The following CCNY variants were observed in gnomAD, a reference collection of about 807,000 sequenced individuals.
CCNY encodes the protein cyclin Y, also known as cyclin-Y.
In CCNY, 19 loss-of-function variants were observed where a neutral mutation model predicts 42.8. The observed-to-expected ratio is 0.44, with a 90% CI of 0.31 to 0.65. The LOEUF is 0.65. Among genes scored for constraint, CCNY ranks in the 30% least tolerant of loss-of-function variants. The probability of loss-of-function intolerance (pLI) is 0.07; values close to 1 mark genes in which losing one functional copy is unlikely to be tolerated. For missense variants in CCNY, 370 were observed against 437.3 expected, an observed-to-expected ratio of 0.85 and a Z score of 1.37; for synonymous variants, 165 against 162.7, an observed-to-expected ratio of 1.01 and a Z score of -0.11.
intron 7 of CCNY, among the ~76,000 whole-genome samples, chr10:35,538,779 T>C (rs1840938084): frequency 6.6e-6 from 1 of 152,226 alleles, no homozygotes; most frequent in Non-Finnish European, 1.5e-5. Flanking sequence ...ATGGTATCAG[T>C]TTGCAACTTA....
intron 1 of CCNY, among the ~76,000 whole-genome samples, chr10:35,472,921 C>T (rs1839418957): frequency 6.6e-6 from 1 of 152,076 alleles, no homozygotes; most frequent in South Asian, 2.1e-4. Flanking sequence ...TAGAATTGAA[C>T]ATAATACCTA....
At chr10:35,296,221 G>A (rs1190118086) in intron 3 of CCNY, among the ~76,000 whole-genome samples, 1 of 152,084 alleles carries the variant, frequency 6.6e-6, no homozygotes, top group African/African-American at 2.4e-5. Context: ...CTATACAAAA[G>A]GTCAATGAAC....
chr10:35,391,279 A>G (rs541938962), intron 1 of CCNY, among the ~76,000 whole-genome samples: 4 of 152,308 alleles, frequency 2.6e-5, no homozygotes, highest in South Asian at 2.1e-4. Context: ...GTTTAAGCCA[A>G]TTCTGATTGG....
chr10:35,456,468 G>C (rs895337265), intron 1 of CCNY, among the ~76,000 whole-genome samples: 3 of 152,214 alleles, frequency 2.0e-5, no homozygotes, highest in African/African-American at 7.2e-5. Context: ...ATCATTGATT[G>C]CACAGGATTC....
chr10:35,307,643 A>C (rs1469549269), intron 3 of CCNY, among the ~76,000 whole-genome samples: 2 of 151,616 alleles, frequency 1.3e-5, no homozygotes, highest in Non-Finnish European at 2.9e-5. Flanking sequence ...CATCCTTTCA[A>C]CAACCCCGAA....
chr10:35,540,751 T>A (rs903670457), intron 7 of CCNY, among the ~76,000 whole-genome samples: 7 of 152,232 alleles, frequency 4.6e-5, no homozygotes, highest in Non-Finnish European at 4.4e-5. Flanking sequence ...TGCAGTAGTT[T>A]GTGTTTTTCT....
At chr10:35,378,859 C>T (rs944606757) in intron 1 of CCNY, among the ~76,000 whole-genome samples, 1 of 152,050 alleles carries the variant, frequency 6.6e-6, no homozygotes, top group African/African-American at 2.4e-5. Context: ...GGAATGGGTA[C>T]CTGTCCTGAG....
At chr10:35,403,273 A>G (rs1048774787) in intron 1 of CCNY, among the ~76,000 whole-genome samples, 5 of 152,192 alleles carry the variant, frequency 3.3e-5, no homozygotes, top group African/African-American at 9.7e-5. Flanking sequence ...TGTAACCTAC[A>G]TGGAAGAGGT....
Position 35,366,772 on chromosome 10 carries a change from C to G in CCNY, c.154+29565C>G, listed in dbSNP as rs556771127. Among the ~76,000 whole-genome samples, 456 of 152,350 alleles carry G rather than the reference C, an allele frequency of 3.0e-3. 17 individuals carry two copies. The highest frequency in any genetic ancestry group is 0.027 in the Admixed American group (418 of 15,296). ...TATCTGCACTGTCCAATGTGGTAGT[C>G]ACTAGCCACGTGTGGCAGTCAAACA... On this transcript the variant is annotated intron_variant, in intron 1 of 9. Coordinates refer to ENST00000374704, the MANE Select transcript of CCNY (RefSeq NM_145012.6).
chr10:35,509,048 G>T (rs1031334021), intron 3 of CCNY, among the ~76,000 whole-genome samples: 1 of 152,246 alleles, frequency 6.6e-6, no homozygotes, highest in East Asian at 1.9e-4. Context: ...GTTCATCCGT[G>T]TATCTCAGTA....
chr10:35,384,975 A>G (rs1311698603), intron 1 of CCNY, among the ~76,000 whole-genome samples: 1 of 152,172 alleles, frequency 6.6e-6, no homozygotes, highest in African/African-American at 2.4e-5. Context: ...TTTGGGCACC[A>G]TTTCAGCTAA....
At chr10:35,447,640 A>G (rs1838822296) in intron 1 of CCNY, among the ~76,000 whole-genome samples, 1 of 152,208 alleles carries the variant, frequency 6.6e-6, no homozygotes, top group African/African-American at 2.4e-5. Context: ...TAGCAGTGTC[A>G]TTGCAGTAGC....
At chr10:35,453,680 A>G (rs1168756358) in intron 1 of CCNY, among the ~76,000 whole-genome samples, 5 of 152,192 alleles carry the variant, frequency 3.3e-5, no homozygotes, top group Non-Finnish European at 4.4e-5. Flanking sequence ...ACTTCTTTCA[A>G]GTGATTAGAA....
intron 3 of CCNY, among the ~76,000 whole-genome samples, chr10:35,502,902 G>A (rs928109626): frequency 2.0e-5 from 3 of 152,178 alleles, no homozygotes; most frequent in Non-Finnish European, 4.4e-5. Flanking sequence ...CAAGGAGCTT[G>A]CAAGGGAAGG....
At chr10:35,423,485 A>G (rs1403652233) in intron 1 of CCNY, among the ~76,000 whole-genome samples, 1 of 151,876 alleles carries the variant, frequency 6.6e-6, no homozygotes, top group Admixed American at 6.6e-5. Context: ...CAAAAAAAAA[A>G]AAAAATTCTG....
chr10:35,508,830 G>A (rs1289568792), intron 3 of CCNY, among the ~76,000 whole-genome samples: 3 of 152,152 alleles, frequency 2.0e-5, no homozygotes, highest in Non-Finnish European at 4.4e-5. Flanking sequence ...CCACAGAGGT[G>A]TGCAACTGTC....
chr10:35,301,974 A>T (rs532457803), intron 3 of CCNY, among the ~76,000 whole-genome samples: 2 of 150,858 alleles, frequency 1.3e-5, no homozygotes, highest in African/African-American at 4.9e-5. Flanking sequence ...TTATTTATTT[A>T]TTTTTTGAGG....
chr10:35,279,456 G>A (rs1041549611), intron 3 of CCNY, among the ~76,000 whole-genome samples: 1 of 152,188 alleles, frequency 6.6e-6, no homozygotes, highest in East Asian at 1.9e-4. Flanking sequence ...CAAAGGGCTC[G>A]CTTGGAGGGA....
chr10:35,252,752 G>A (rs771647712), intron 3 of CCNY, among the ~76,000 whole-genome samples: 1 of 152,022 alleles, frequency 6.6e-6, no homozygotes, highest in African/African-American at 2.4e-5. Flanking sequence ...ATTGCTTATG[G>A]TTCCAACTGC....
Sources: gnomAD v4.1 joint callset for allele counts (sites outside exome capture counted in the v4.1 genomes callset) on GRCh38, gnomAD v4.1.1 for gene constraint, MANE v1.5 for transcripts, NCBI Gene and HGNC (gene_info 2026-07-23, HGNC 2026-07-21) for gene names.